PRR5: variants seen among roughly 807,000 people sequenced by gnomAD.
PRR5 encodes proline-rich protein 5.
In PRR5, 25 loss-of-function variants were observed where a neutral mutation model predicts 30.6. That is an observed-to-expected ratio of 0.82 (90% CI 0.60 to 1.14). The LOEUF (loss-of-function observed/expected upper bound fraction) is 1.14, where lower values mean the gene tolerates loss of function less well. PRR5 is among the 50% of genes most tolerant of loss of function. The pLI, the probability that PRR5 is intolerant of heterozygous loss-of-function variation, is 0.00. For missense variants in PRR5, 600 were observed against 547.1 expected, an observed-to-expected ratio of 1.10 and a Z score of -0.96; for synonymous variants, 286 against 247.1, an observed-to-expected ratio of 1.16 and a Z score of -1.48.
chr22:44,687,768 C>A (rs1924880291), intron 1 of PRR5, among the ~76,000 whole-genome samples: 1 of 152,038 alleles, frequency 6.6e-6, no homozygotes, highest in African/African-American at 2.4e-5. Context: ...CACTTAATGT[C>A]TGAGGTTGTG....
chr22:44,677,348 GGTCT>G (rs1923854515), intron 1 of PRR5: 1 of 152,452 alleles, frequency 6.6e-6, no homozygotes, highest in East Asian at 1.9e-4. Context: ...GTTTGGCCCT[GGTCT>G]GTCTGAGTCC....
Position 44,702,226 on chromosome 22 carries a change from G to T in PRR5, c.-249G>T. On this transcript the variant is annotated 5_prime_UTR_variant, in exon 1 of 8. Transcript: ENST00000336985. Reference sequence around the variant, plus strand: ...CCCGGCCTCCGTTTGCGCCGGGTCTGTGCTGGCCGCGCGCCTGGCGCTCCA... The same window carrying T: ...CCCGGCCTCCGTTTGCGCCGGGTCTTTGCTGGCCGCGCGCCTGGCGCTCCA... 15 of 1,105,784 alleles carry T rather than the reference G, an allele frequency of 1.4e-5. No individual in the cohort carries two copies. The highest frequency in any genetic ancestry group is 1.7e-5 in the Non-Finnish European group (15 of 906,518). The allele number at this position is 1,105,784 out of a possible 1,614,324, so 68.5% of individuals were successfully genotyped here.
At chr22:44,727,569 C>G (rs961033380) in intron 4 of PRR5, among the ~76,000 whole-genome samples, 10 of 152,212 alleles carry the variant, frequency 6.6e-5, no homozygotes, top group African/African-American at 2.2e-4. Context: ...GAAAGTGAGG[C>G]ACGGTGTCCT....
At chr22:44,726,995 C>A (rs1319738573) in intron 4 of PRR5, among the ~76,000 whole-genome samples, 5 of 152,150 alleles carry the variant, frequency 3.3e-5, no homozygotes, top group Admixed American at 2.6e-4. Context: ...TCGGTTAGGG[C>A]TGAGGTCACC....
chr22:44,702,335 C>T lies in PRR5; in HGVS notation c.-140C>T. 1.3e-5 allele frequency: 15 copies of T among 1,158,366 alleles called. No individual in the cohort carries two copies. Among genetic ancestry groups the T allele is most frequent in the Non-Finnish European group, 1.5e-5 (14 of 935,350 alleles). The allele number at this position is 1,158,366 out of a possible 1,614,324, so 71.8% of individuals were successfully genotyped here. ...CGGAGGCGCGGGGCCGGGGCGGGAC[C>T]CCGCAGGACCGCTCGGCTTCCTGCT... On this transcript the variant is annotated 5_prime_UTR_variant, in exon 1 of 8. Transcript: ENST00000336985.
At chr22:44,729,453 A>G (rs1346118445) in intron 4 of PRR5, 1 of 985,386 alleles carries the variant, frequency 1.0e-6, no homozygotes, top group Non-Finnish European at 1.2e-6. Flanking sequence ...AGCCCCTGCT[A>G]CTGCCAGGCT....
In PRR5 at chr22:44,730,532, A is replaced by G. The variant is rs374374794; in HGVS notation, c.323-1198A>G. 7 of 988,748 alleles carry G rather than the reference A, an allele frequency of 7.1e-6. No individual in the cohort carries two copies. The East Asian group carries it at 3.4e-4, about 48-fold the overall frequency. The allele number at this position is 988,748 out of a possible 1,614,324, so 61.2% of individuals were successfully genotyped here. On this transcript the variant is annotated intron_variant, in intron 4 of 7. Coordinates refer to ENST00000336985, the MANE Select transcript of PRR5 (RefSeq NM_181333.4). ...CCCACAAGGGTCACTCACCTGGTGC[A>G]TGGCACCGTTCCTCTCAAGGCCAGC...
intron 2 of PRR5, among the ~76,000 whole-genome samples, chr22:44,717,873 G>A (rs996938920): frequency 2.0e-5 from 3 of 151,744 alleles, no homozygotes; most frequent in African/African-American, 4.8e-5. Flanking sequence ...GTGCCACCAC[G>A]ACCGGCTAAT....
chr22:44,675,400 CT>C (rs1211390369), upstream of PRR5, among the ~76,000 whole-genome samples: 3 of 152,324 alleles, frequency 2.0e-5, no homozygotes, highest in East Asian at 3.9e-4. Flanking sequence ...GCCTGTTCTG[CT>C]TTTTTCACTC....
chr22:44,737,547 GC>G lies in PRR5; in HGVS notation c.*303del, dbSNP rs1166532507. The G allele has an allele frequency of 4.8e-6, 2 of 416,244 alleles. No homozygotes were observed. Among genetic ancestry groups the G allele is most frequent in the Non-Finnish European group, 8.4e-6 (2 of 237,650 alleles). 25.8% of individuals were successfully genotyped at this position (416,244 alleles called of 1,614,324 possible). A position where few individuals can be genotyped will look rare whatever the true frequency, so the allele number is the denominator to read the frequency against. Reference sequence around the variant, plus strand: ...CCCCAGCCCTCTGGTGTCCACACCTGCCCACAGAGAATGTAAACCCAGTGGG... The same window carrying G: ...CCCCAGCCCTCTGGTGTCCACACCTGCCACAGAGAATGTAAACCCAGTGGG... On this transcript the variant is annotated 3_prime_UTR_variant, in exon 8 of 8. Transcript: ENST00000336985.
Position 44,710,859 on chromosome 22 carries a change from G to T in PRR5, c.135-3732G>T, listed in dbSNP as rs866720953. Among the ~76,000 whole-genome samples the T allele has an allele frequency of 3.9e-5, 6 of 152,288 alleles. 1 individual carries two copies. The highest frequency in any genetic ancestry group is 3.3e-4 in the Admixed American group (5 of 15,286). ...GTGTGGTAGATACAAGCCTCTCCCT[G>T]TAGCTTCACAGAAAAGGCCGCAGGG... On this transcript the variant is annotated intron_variant, in intron 1 of 7. Transcript: ENST00000336985.
At chr22:44,720,349 G>A (rs1386759588) in intron 2 of PRR5, among the ~76,000 whole-genome samples, 1 of 152,232 alleles carries the variant, frequency 6.6e-6, no homozygotes, top group African/African-American at 2.4e-5. Context: ...TCATCTGCAG[G>A]ACTAGGGCTC....
At chr22:44,735,629 C>T (rs1182414289) in intron 7 of PRR5, among the ~76,000 whole-genome samples, 1 of 152,170 alleles carries the variant, frequency 6.6e-6, no homozygotes, top group Admixed American at 6.5e-5. Flanking sequence ...GACGGAGGGC[C>T]TCTGGGTTCC....
upstream of PRR5, among the ~76,000 whole-genome samples, chr22:44,674,422 G>A (rs1416388145): frequency 6.6e-6 from 1 of 151,866 alleles, no homozygotes; most frequent in Admixed American, 6.6e-5. Context: ...GATCGCCTGA[G>A]GTCAAGAGTT....
chr22:44,729,362 A>G, intron 4 of PRR5: 3 of 985,336 alleles, frequency 3.0e-6, no homozygotes, highest in Non-Finnish European at 2.4e-6. Context: ...AAAGACGGAC[A>G]CCAGCCTGCG....
At chr22:44,736,116 C>G (rs149093189) in intron 7 of PRR5, among the ~76,000 whole-genome samples, 1 of 152,224 alleles carries the variant, frequency 6.6e-6, no homozygotes, top group Non-Finnish European at 1.5e-5. Context: ...CACTGCCTCC[C>G]GCCCAGATGA....
chr22:44,734,409 C>T (rs796968310), intron 6 of PRR5: 7 of 152,638 alleles, frequency 4.6e-5, no homozygotes, highest in African/African-American at 1.7e-4. Flanking sequence ...GCCCTCTTTG[C>T]TGGGTGCTGA....
At chr22:44,719,247 T>A (rs62936360) in intron 2 of PRR5, among the ~76,000 whole-genome samples, 1 of 61,338 alleles carries the variant, frequency 1.6e-5, no homozygotes, top group South Asian at 1.1e-3. Flanking sequence ...GCCTAGCTAA[T>A]TTTTTTTTTA....
chr22:44,715,939 A>G (rs1467847620), intron 2 of PRR5, among the ~76,000 whole-genome samples: 2 of 152,206 alleles, frequency 1.3e-5, no homozygotes, highest in African/African-American at 4.8e-5. Context: ...GTGAGCCACC[A>G]TGCCCGGCCA....
Sources: allele counts gnomAD v4.1 joint callset (sites outside exome capture counted in the v4.1 genomes callset), GRCh38; gene constraint gnomAD v4.1.1; transcripts MANE v1.5; gene names NCBI Gene and HGNC (gene_info 2026-07-23, HGNC 2026-07-21).